EFCAB6: variants seen among roughly 807,000 people sequenced by gnomAD.
The protein encoded by EFCAB6 is EF-hand calcium-binding domain-containing protein 6.
In EFCAB6, 156 loss-of-function variants were observed where a neutral mutation model predicts 169.8. That is an observed-to-expected ratio of 0.92 (90% CI 0.81 to 1.05). The LOEUF is 1.05. Among genes scored for constraint, EFCAB6 ranks in the 50% least tolerant of loss-of-function variants. EFCAB6 has a pLI of 0.00. For missense variants in EFCAB6, 1,800 were observed against 1,829.1 expected, an observed-to-expected ratio of 0.98 and a Z score of 0.29; for synonymous variants, 698 against 676.4, an observed-to-expected ratio of 1.03 and a Z score of -0.50.
intron 14 of EFCAB6, 34 bp downstream of exon 14, chr22:43,672,212 A>C (rs760302761): frequency 6.2e-7 from 1 of 1,614,086 alleles, no homozygotes; most frequent in Non-Finnish European, 8.5e-7. Context: ...CCATATAGGA[A>C]GGCATCCACA....
chr22:43,710,629 C>T (rs908945507), intron 10 of EFCAB6, among the ~76,000 whole-genome samples: 1 of 152,042 alleles, frequency 6.6e-6, no homozygotes, highest in Non-Finnish European at 1.5e-5. Flanking sequence ...GTCCTCCAAC[C>T]AGTAAGAGAA....
At chr22:43,559,165 A>G (rs983897793) in intron 26 of EFCAB6, among the ~76,000 whole-genome samples, 6 of 152,270 alleles carry the variant, frequency 3.9e-5, no homozygotes, top group African/African-American at 1.2e-4. Context: ...AAATAAATTT[A>G]CAAGAAAAAA....
intron 10 of EFCAB6, among the ~76,000 whole-genome samples, chr22:43,698,588 G>A (rs1056392999): frequency 2.0e-5 from 3 of 152,178 alleles, no homozygotes; most frequent in Admixed American, 6.5e-5. Flanking sequence ...ATCATAGAAT[G>A]GTTGAATACT....
intron 18 of EFCAB6, 103 bp downstream of exon 18, chr22:43,634,999 G>T: frequency 2.4e-6 from 2 of 835,002 alleles, no homozygotes; most frequent in Non-Finnish European, 4.1e-6. Context: ...CAACATCTCA[G>T]CTTGTGCTAC....
chr22:43,734,831 T>C (rs1461525000), intron 7 of EFCAB6, among the ~76,000 whole-genome samples: 9 of 152,228 alleles, frequency 5.9e-5, no homozygotes, highest in Non-Finnish European at 1.0e-4. Context: ...ACATGTCACA[T>C]GCCCTCTAGA....
At chr22:43,688,292 C>A (rs1045159767) in intron 10 of EFCAB6, among the ~76,000 whole-genome samples, 2 of 152,148 alleles carry the variant, frequency 1.3e-5, no homozygotes, top group African/African-American at 2.4e-5. Flanking sequence ...GCCCAGTGGA[C>A]CCATGTTGGG....
At chr22:43,624,520 C>A (rs1370446402) in intron 20 of EFCAB6, among the ~76,000 whole-genome samples, 1 of 152,182 alleles carries the variant, frequency 6.6e-6, no homozygotes, top group East Asian at 1.9e-4. Context: ...GCTTAACACT[C>A]CCGCCTGCCT....
At chr22:43,772,628 T>G (rs2061507635) in intron 4 of EFCAB6, among the ~76,000 whole-genome samples, 2 of 120,072 alleles carry the variant, frequency 1.7e-5, no homozygotes, top group East Asian at 2.3e-4. Flanking sequence ...GCAACAAGAG[T>G]GAAATTCTGT....
At chr22:43,688,912 GC>G (rs2058300659) in intron 10 of EFCAB6, among the ~76,000 whole-genome samples, 1 of 152,222 alleles carries the variant, frequency 6.6e-6, no homozygotes, top group Admixed American at 6.5e-5. Context: ...ATGGCTGACA[GC>G]GAACTGGTTA....
chr22:43,721,299 T>C (rs974810943), intron 8 of EFCAB6, among the ~76,000 whole-genome samples: 1 of 152,226 alleles, frequency 6.6e-6, no homozygotes, highest in African/African-American at 2.4e-5. Flanking sequence ...ATGGCCATAC[T>C]GCCCAAAGCA....
chr22:43,663,179 T>C (rs743797), intron 17 of EFCAB6, among the ~76,000 whole-genome samples: 43,482 of 152,166 alleles, frequency 0.29, 7,150 homozygotes, highest in East Asian at 0.63. Context: ...CTCATCATCA[T>C]TGTAATTACT....
chr22:43,777,805 G>A (rs897035289), intron 3 of EFCAB6, among the ~76,000 whole-genome samples: 6 of 152,180 alleles, frequency 3.9e-5, no homozygotes, highest in Non-Finnish European at 5.9e-5. Context: ...TTTAAAATAC[G>A]TAAAGGAAGA....
intron 2 of EFCAB6, among the ~76,000 whole-genome samples, chr22:43,802,186 A>G (rs932249135): frequency 6.6e-6 from 1 of 152,146 alleles, no homozygotes; most frequent in Non-Finnish European, 1.5e-5. Flanking sequence ...ACCAGCACCG[A>G]CATCCCACTG....
At chr22:43,664,671 G>A (rs189090284) in intron 17 of EFCAB6, among the ~76,000 whole-genome samples, 2 of 152,348 alleles carry the variant, frequency 1.3e-5, no homozygotes, top group East Asian at 1.9e-4. Context: ...GGCATGGCCA[G>A]TGCCAAGGAA....
intron 24 of EFCAB6, among the ~76,000 whole-genome samples, chr22:43,580,887 C>T (rs1224333354): frequency 6.6e-6 from 1 of 152,194 alleles, no homozygotes; most frequent in Non-Finnish European, 1.5e-5. Flanking sequence ...GTGCAGTTCA[C>T]TGACGGCCGG....
intron 17 of EFCAB6, among the ~76,000 whole-genome samples, chr22:43,664,381 G>A (rs1278312750): frequency 6.6e-6 from 1 of 152,200 alleles, no homozygotes; most frequent in Non-Finnish European, 1.5e-5. Flanking sequence ...ACACAAAAGA[G>A]ATCAAATGTC....
At chr22:43,654,146 G>C (rs140266341) in intron 17 of EFCAB6, among the ~76,000 whole-genome samples, 229 of 152,262 alleles carry the variant, frequency 1.5e-3, no homozygotes, top group African/African-American at 5.4e-3. Flanking sequence ...AAAGGATAAT[G>C]AGGCATGAGT....
At chr22:43,621,119 C>T (rs1319948283) in intron 20 of EFCAB6, among the ~76,000 whole-genome samples, 10 of 149,502 alleles carry the variant, frequency 6.7e-5, no homozygotes, top group Non-Finnish European at 1.2e-4. Context: ...GACAGAGTCT[C>T]ACTCTGTCAC....
chr22:43,662,308 C>G (rs1414165522), intron 17 of EFCAB6, among the ~76,000 whole-genome samples: 1 of 152,092 alleles, frequency 6.6e-6, no homozygotes, highest in South Asian at 2.1e-4. Context: ...CACAGGGCCC[C>G]ATCCACCTGC....
Sources: gnomAD v4.1 joint callset for allele counts (sites outside exome capture counted in the v4.1 genomes callset) on GRCh38, gnomAD v4.1.1 for gene constraint, MANE v1.5 for transcripts, NCBI Gene and HGNC (gene_info 2026-07-23, HGNC 2026-07-21) for gene names.